The following TSPAN3 variants were observed in gnomAD, a reference collection of about 807,000 sequenced individuals.
The protein encoded by TSPAN3 is tetraspanin 3, also known as tetraspanin-3.
Under a neutral mutation model 31.1 loss-of-function variants are expected in TSPAN3, and 9 were observed. That is an observed-to-expected ratio of 0.29 (90% CI 0.17 to 0.50). The LOEUF is 0.50. Ranked by LOEUF, TSPAN3 falls within the 20% of genes least tolerant of loss-of-function variation. TSPAN3 has a pLI of 0.98. For missense variants in TSPAN3, 252 were observed against 313.5 expected, an observed-to-expected ratio of 0.80 and a Z score of 1.48; for synonymous variants, 129 against 114.3, an observed-to-expected ratio of 1.13 and a Z score of -0.82.
chr15:77,050,177 A>T (rs545381951), intron 6 of TSPAN3, among the ~76,000 whole-genome samples: 1 of 152,352 alleles, frequency 6.6e-6, no homozygotes, highest in South Asian at 2.1e-4. Context: ...CCAGGGCACC[A>T]ATCTATCAGA....
chr15:77,069,467 A>G (rs908211777), intron 1 of TSPAN3, among the ~76,000 whole-genome samples: 2 of 152,182 alleles, frequency 1.3e-5, no homozygotes, highest in Non-Finnish European at 2.9e-5. Context: ...AAATAAATAA[A>G]TAAGCCTGTA....
intron 6 of TSPAN3, among the ~76,000 whole-genome samples, chr15:77,049,071 T>G (rs1163809080): frequency 6.6e-6 from 1 of 152,224 alleles, no homozygotes; most frequent in Admixed American, 6.5e-5. Context: ...TGGAATACTA[T>G]GCAGACATGA....
rs562382033 is a variant in TSPAN3, at chr15:77,070,915, C to G, written c.40G>C (p.Val14Leu). The change falls in exon 1 of 7, where the codon GTC (valine) becomes CTC (leucine). Residue 14 changes from valine to leucine, a missense_variant. By Grantham distance (32) the Val-to-Leu change is conservative. Coordinates refer to ENST00000267970, the MANE Select transcript of TSPAN3 (RefSeq NM_005724.6). ...ACCCAGAAGATGAGGTTGAGAAAGA[C>G]CAGCACGGTCTTGGAGGAGGTGATG... The part of the protein sequence containing the change: ...CGITSSKTVL[V>L]FLNLIFWGAA... 9.1e-6 allele frequency: 13 copies of G among 1,433,622 alleles called. 1 individual carries two copies. In the South Asian group the frequency reaches 1.7e-4, roughly 18 times the overall value. The allele number at this position is 1,433,622 out of a possible 1,614,324, so 88.8% of individuals were successfully genotyped here.
rs184291739 is a variant in TSPAN3, at chr15:77,065,616, C to T, written c.63+5276G>A. ...TAATTTTTTGTATTTTTAGTAGAGA[C>T]GGGGTTTCACCGTGTTAGTCAGGAG... On this transcript the variant is annotated intron_variant, in intron 1 of 6. Transcript: ENST00000267970. 1.3e-4 allele frequency among the ~76,000 whole-genome samples: 20 copies of T among 152,178 alleles called. No individual in the cohort carries two copies. The East Asian group carries it at 3.5e-3, about 26-fold the overall frequency.
chr15:77,056,264 A>G lies in TSPAN3; in HGVS notation c.64-9T>C. 1 of 1,588,454 alleles carries G rather than the reference A, an allele frequency of 6.3e-7. No homozygotes were observed. Among genetic ancestry groups the G allele is most frequent in the Non-Finnish European group, 8.5e-7 (1 of 1,170,766 alleles). On this transcript the variant is annotated splice_polypyrimidine_tract_variant and intron_variant, in intron 1 of 6. Coordinates refer to ENST00000267970, the MANE Select transcript of TSPAN3 (RefSeq NM_005724.6). ...AAAATGCCAGCTGCCCCCTGTAGAA[A>G]ACAAAGTCAGTACTGGTCTCTAAGC...
intron 1 of TSPAN3, among the ~76,000 whole-genome samples, chr15:77,067,062 G>C (rs1483784246): frequency 1.3e-5 from 2 of 151,852 alleles, no homozygotes; most frequent in Non-Finnish European, 2.9e-5. Context: ...ATTAATCCAT[G>C]AATGGATTAA....
At chr15:77,054,472 G>A (rs1028494298) in intron 3 of TSPAN3, 193 bp from the exon 4 acceptor site, 6 of 436,110 alleles carry the variant, frequency 1.4e-5, no homozygotes, top group Non-Finnish European at 1.3e-5. Flanking sequence ...AAAGTGACAG[G>A]TAAAAATTCA....
At chr15:77,047,520 G>A (rs931189249) in intron 6 of TSPAN3, among the ~76,000 whole-genome samples, 3 of 152,070 alleles carry the variant, frequency 2.0e-5, no homozygotes, top group Non-Finnish European at 4.4e-5. Context: ...AAATGTAGTT[G>A]GAAGGTTTTT....
Position 77,044,474 on chromosome 15 carries a change from A to G in TSPAN3, c.*2361T>C. The stretch of plus-strand genomic sequence containing the variant: ...TTCCAGGACAACTGTGCCAGGAATT[A>G]AACACAAGTTAAAACTGGCAGGAGC... On this transcript the variant is annotated 3_prime_UTR_variant, in exon 7 of 7. Transcript: ENST00000267970. The G allele has an allele frequency of 6.6e-6, 1 of 152,274 alleles. No individual in the cohort carries two copies. The highest frequency in any genetic ancestry group is 1.9e-4 in the East Asian group (1 of 5,202). 9.4% of individuals were successfully genotyped at this position (152,274 alleles called of 1,614,324 possible). A position where few individuals can be genotyped will look rare whatever the true frequency, so the allele number is the denominator to read the frequency against.
intron 1 of TSPAN3, among the ~76,000 whole-genome samples, chr15:77,069,161 G>A (rs1263611961): frequency 6.6e-6 from 1 of 152,184 alleles, no homozygotes; most frequent in Non-Finnish European, 1.5e-5. Context: ...ACCGTTTTGT[G>A]CTCTTGGGCC....
intron 1 of TSPAN3, chr15:77,070,106 T>A (rs1596174268): frequency 1.3e-5 from 2 of 152,150 alleles, no homozygotes; most frequent in Non-Finnish European, 2.9e-5. Flanking sequence ...ACTATAAAAG[T>A]CCCTGATGAG....
chr15:77,049,582 CCTG>C (rs1297939814), intron 6 of TSPAN3, among the ~76,000 whole-genome samples: 4 of 151,982 alleles, frequency 2.6e-5, no homozygotes, highest in Non-Finnish European at 4.4e-5. Flanking sequence ...AGTGAAATAT[CCTG>C]CTAATTAATA....
Position 77,071,061 on chromosome 15 carries a change from G to T in TSPAN3, c.-107C>A. On this transcript the variant is annotated 5_prime_UTR_variant, in exon 1 of 7. Coordinates refer to ENST00000267970, the MANE Select transcript of TSPAN3 (RefSeq NM_005724.6). ...CGCTAGGAACTGCACGGCCTGCGCGGCGCTCCCCGCAGCCCCTGCGCCGTC... is the reference window on the plus strand; with the variant it reads ...CGCTAGGAACTGCACGGCCTGCGCGTCGCTCCCCGCAGCCCCTGCGCCGTC... 2.6e-6 allele frequency: 2 copies of T among 761,330 alleles called. No homozygotes were observed. Among genetic ancestry groups the T allele is most frequent in the Non-Finnish European group, 1.8e-6 (1 of 559,238 alleles). The allele number at this position is 761,330 out of a possible 1,614,324, so 47.2% of individuals were successfully genotyped here.
chr15:77,049,931 G>T (rs1420776591), intron 6 of TSPAN3, among the ~76,000 whole-genome samples: 1 of 152,126 alleles, frequency 6.6e-6, no homozygotes, highest in Non-Finnish European at 1.5e-5. Context: ...TCTTATACTT[G>T]TAATTGGAGG....
chr15:77,068,923 T>C (rs1438577208), intron 1 of TSPAN3, among the ~76,000 whole-genome samples: 1 of 152,242 alleles, frequency 6.6e-6, no homozygotes, highest in Non-Finnish European at 1.5e-5. Context: ...TTTTTGCTAT[T>C]GTGAACGGTG....
intron 1 of TSPAN3, chr15:77,064,022 T>C (rs2076815975): frequency 1.3e-5 from 2 of 152,230 alleles, no homozygotes; most frequent in South Asian, 2.1e-4. Context: ...GTTTAATCAG[T>C]AGCAACAACA....
In TSPAN3 at chr15:77,043,764, G is replaced by A. The variant is rs946948940; in HGVS notation, c.*3071C>T. ...TGCGGCCAATGGGAATATGAGTGGT[G>A]AGGTATTCTATCAGTGTTAGATGGA... On this transcript the variant is annotated 3_prime_UTR_variant, in exon 7 of 7. Transcript: ENST00000267970. 6.6e-6 allele frequency: 1 copy of A among 152,262 alleles called. No individual in the cohort carries two copies. The highest frequency in any genetic ancestry group is 6.5e-5 in the Admixed American group (1 of 15,276). 9.4% of individuals were successfully genotyped at this position (152,262 alleles called of 1,614,324 possible).
chr15:77,048,571 A>G (rs1032315173), intron 6 of TSPAN3, among the ~76,000 whole-genome samples: 2 of 152,252 alleles, frequency 1.3e-5, no homozygotes, highest in Non-Finnish European at 2.9e-5. Flanking sequence ...ATTAAGCTCT[A>G]CATAATAATT....
chr15:77,069,328 T>C (rs1035215258), intron 1 of TSPAN3, among the ~76,000 whole-genome samples: 2 of 152,228 alleles, frequency 1.3e-5, no homozygotes, highest in Non-Finnish European at 2.9e-5. Flanking sequence ...GATGCCCTTA[T>C]AATGGTCAGA....
Sources: allele counts gnomAD v4.1 joint callset (sites outside exome capture counted in the v4.1 genomes callset), GRCh38; gene constraint gnomAD v4.1.1; transcripts MANE v1.5; gene names NCBI Gene and HGNC (gene_info 2026-07-23, HGNC 2026-07-21).